Variants in GRAMD4 observed in about 807,000 individuals in gnomAD.
GRAMD4 encodes GRAM domain-containing protein 4.
GRAMD4 carries 25 observed loss-of-function variants against 83.9 expected under a neutral mutation model. That is an observed-to-expected ratio of 0.30 (90% CI 0.22 to 0.42). The LOEUF (loss-of-function observed/expected upper bound fraction) is 0.42, where lower values mean the gene tolerates loss of function less well. Ranked by LOEUF, GRAMD4 falls within the 10% of genes least tolerant of loss-of-function variation. The probability of loss-of-function intolerance (pLI) is 1.00; values close to 1 mark genes in which losing one functional copy is unlikely to be tolerated. For synonymous variants in GRAMD4, 336 were observed against 320.9 expected (o/e 1.05, Z -0.50); for missense variants, 593 against 788.7 (o/e 0.75, Z 2.97).
At chr22:46,627,059 C>T (rs1437399507) in intron 2 of GRAMD4, 98 bp downstream of exon 2, 2 of 821,452 alleles carry the variant, frequency 2.4e-6, no homozygotes, top group East Asian at 2.5e-5. Flanking sequence ...GTGTCCTGCC[C>T]ATGCTGGTCA....
chr22:46,669,632 G>A (rs1334563686), intron 13 of GRAMD4, among the ~76,000 whole-genome samples: 11 of 150,238 alleles, frequency 7.3e-5, no homozygotes, highest in Non-Finnish European at 1.0e-4. Context: ...CTGGAGTGCA[G>A]TGGCGTGATC....
upstream of GRAMD4, among the ~76,000 whole-genome samples, chr22:46,618,461 G>A (rs2081531967): frequency 6.6e-6 from 1 of 152,154 alleles, no homozygotes; most frequent in African/African-American, 2.4e-5. The surrounding 1 kb of genome is among the most constrained non-coding windows in gnomAD (Gnocchi z 5.8). Context: ...CCTGCAGTGG[G>A]GACAGAGGCG....
intron 2 of GRAMD4, among the ~76,000 whole-genome samples, chr22:46,636,990 A>G (rs2081898733): frequency 6.6e-6 from 1 of 152,118 alleles, no homozygotes; most frequent in African/African-American, 2.4e-5. Context: ...CGCGGTTTTC[A>G]TGGAGCAGAG....
At chr22:46,635,220 G>C (rs1314625253) in intron 2 of GRAMD4, among the ~76,000 whole-genome samples, 1 of 138,240 alleles carries the variant, frequency 7.2e-6, no homozygotes, top group Non-Finnish European at 1.5e-5. Flanking sequence ...CTCCTGTCCT[G>C]GGGGACCGTG....
chr22:46,663,113 C>T lies in GRAMD4; in HGVS notation c.540C>T (p.Asp180=), dbSNP rs771303181. The part of the protein sequence containing the change: ...FYERFGEYVE[D]FRFQPEENTV... ...AGCGGTTTGGGGAGTACGTGGAGGA[C>T]TTCCGGTTCCAGCCCGAGGAGAACA... Residue 180 remains aspartate, a synonymous_variant, in exon 6 of 19, where the codon GAC becomes GAT. Transcript: ENST00000406902. The T allele has an allele frequency of 6.2e-7, 1 of 1,612,294 alleles. No homozygotes were observed. Among genetic ancestry groups the T allele is most frequent in the African/African-American group, 1.3e-5 (1 of 74,912 alleles).
chr22:46,638,581 C>G (rs1432356135), intron 3 of GRAMD4, among the ~76,000 whole-genome samples: 1 of 152,230 alleles, frequency 6.6e-6, no homozygotes, highest in Non-Finnish European at 1.5e-5. Context: ...TGTGTCCTCC[C>G]TGTTGTCCAG....
At chr22:46,646,279 A>G (rs1389385441) in intron 3 of GRAMD4, among the ~76,000 whole-genome samples, 2 of 152,108 alleles carry the variant, frequency 1.3e-5, no homozygotes. Context: ...TTGGAGAGAG[A>G]CTGCCTTTTC....
At chr22:46,670,398 G>A (rs1336630238) in intron 13 of GRAMD4, among the ~76,000 whole-genome samples, 1 of 152,192 alleles carries the variant, frequency 6.6e-6, no homozygotes, top group East Asian at 1.9e-4. Context: ...ACAATGCCCT[G>A]GAGCCCCTCT....
chr22:46,594,687 G>T (rs1602307854), intron 1 of GRAMD4, among the ~76,000 whole-genome samples: 1 of 152,148 alleles, frequency 6.6e-6, no homozygotes, highest in Admixed American at 6.5e-5. Flanking sequence ...GTCCTGCCCT[G>T]GGGGGCTAGG....
intron 10 of GRAMD4, among the ~76,000 whole-genome samples, chr22:46,667,756 G>C (rs890774621): frequency 1.3e-5 from 2 of 152,244 alleles, no homozygotes; most frequent in African/African-American, 4.8e-5. Flanking sequence ...AGACAAGCAG[G>C]ACCAGGGCTC....
chr22:46,659,708 G>C lies in GRAMD4; in HGVS notation c.404+1401G>C, dbSNP rs1004172888. ...CAGCATGACCTTGTGGAGTGCCCTG[G>C]GGGGCTCATGTGGGGGCTCATGTGG... On this transcript the variant is annotated intron_variant, in intron 4 of 18. Transcript: ENST00000406902. This position sits in a 1 kb window ranked among gnomAD's most constrained non-coding sequence, Gnocchi z 4.1. 6.6e-6 allele frequency among the ~76,000 whole-genome samples: 1 copy of C among 150,538 alleles called. No individual in the cohort carries two copies. The highest frequency in any genetic ancestry group is 2.5e-5 in the African/African-American group (1 of 40,100).
chr22:46,643,153 A>G (rs1185344576), intron 3 of GRAMD4, among the ~76,000 whole-genome samples: 4 of 148,662 alleles, frequency 2.7e-5, no homozygotes, highest in Admixed American at 1.3e-4. Flanking sequence ...CCATCCATCC[A>G]TCCATCCATC....
At chr22:46,600,587 G>A (rs2081303040) in intron 1 of GRAMD4, among the ~76,000 whole-genome samples, 1 of 152,150 alleles carries the variant, frequency 6.6e-6, no homozygotes, top group Non-Finnish European at 1.5e-5. Context: ...CACAGACAGT[G>A]CACAGGCAGG....
At chr22:46,607,899 C>G (rs566715422) in intron 1 of GRAMD4, among the ~76,000 whole-genome samples, 1 of 152,106 alleles carries the variant, frequency 6.6e-6, no homozygotes, top group African/African-American at 2.4e-5. Flanking sequence ...CCTGCGGTGC[C>G]GCGACTGCTC....
At chr22:46,585,826 G>A (rs1468394952) in intron 1 of GRAMD4, among the ~76,000 whole-genome samples, 1 of 152,332 alleles carries the variant, frequency 6.6e-6, no homozygotes, top group East Asian at 1.9e-4. Flanking sequence ...GGACACAGGA[G>A]TGGGGATGGC....
At chr22:46,603,100 G>A (rs1262494899) in intron 1 of GRAMD4, among the ~76,000 whole-genome samples, 4 of 151,674 alleles carry the variant, frequency 2.6e-5, no homozygotes, top group Non-Finnish European at 5.9e-5. Context: ...CCTTTGTGGT[G>A]TGTGTTGAAA....
intron 1 of GRAMD4, among the ~76,000 whole-genome samples, chr22:46,597,627 C>T (rs1448840032): frequency 6.6e-6 from 1 of 151,810 alleles, no homozygotes; most frequent in East Asian, 2.0e-4. Flanking sequence ...GTAGCTGGGA[C>T]CACAGGCACC....
chr22:46,659,751 G>A lies in GRAMD4; in HGVS notation c.404+1444G>A, dbSNP rs1033218541. 6.6e-6 allele frequency among the ~76,000 whole-genome samples: 1 copy of A among 152,094 alleles called. No individual in the cohort carries two copies. The highest frequency in any genetic ancestry group is 6.5e-5 in the Admixed American group (1 of 15,284). ...TCATGTGGGGGCATCCAGCTGGTGT[G>A]GGGGAGGGAGAGGCCTCACTTTCCT... On this transcript the variant is annotated intron_variant, in intron 4 of 18. Coordinates refer to ENST00000406902, the MANE Select transcript of GRAMD4 (RefSeq NM_015124.5). The surrounding 1 kb of genome is among the most constrained non-coding windows in gnomAD (Gnocchi z 4.1).
intron 1 of GRAMD4, among the ~76,000 whole-genome samples, chr22:46,591,740 C>T (rs745662077): frequency 7.6e-5 from 11 of 145,200 alleles, no homozygotes; most frequent in African/African-American, 1.3e-4. Context: ...GGTTGAGGCA[C>T]GAGAATCGTT....
Sources: gnomAD v4.1 joint callset for allele counts (sites outside exome capture counted in the v4.1 genomes callset) on GRCh38, gnomAD v4.1.1 for gene constraint, Gnocchi (gnomAD v3.1) non-coding constraint, MANE v1.5 for transcripts, NCBI Gene and HGNC (gene_info 2026-07-23, HGNC 2026-07-21) for gene names.